HCN1: variants seen among roughly 807,000 people sequenced by gnomAD.
HCN1 encodes hyperpolarization activated cyclic nucleotide gated potassium channel 1.
Under a neutral mutation model 78.9 loss-of-function variants are expected in HCN1, and 13 were observed. That is an observed-to-expected ratio of 0.16 (90% confidence interval 0.11 to 0.26). The LOEUF (loss-of-function observed/expected upper bound fraction) is 0.26, where lower values mean the gene tolerates loss of function less well. Among genes scored for constraint, HCN1 ranks in the 10% least tolerant of loss-of-function variants. The pLI is 1.00. For missense variants in HCN1, 810 were observed against 1,154.3 expected (o/e 0.70, Z 4.32); for synonymous variants, 552 against 455.5 (o/e 1.21, Z -2.70).
chr5:45,496,845 C>CT (rs200224515), intron 2 of HCN1, among the ~76,000 whole-genome samples: 8,209 of 152,036 alleles, frequency 0.054, 305 homozygotes, highest in East Asian at 0.14. Context: ...GCATTTAGTG[C>CT]ATAAATTTCC....
chr5:45,583,677 C>T (rs1246474464), intron 2 of HCN1, among the ~76,000 whole-genome samples: 1 of 152,006 alleles, frequency 6.6e-6, no homozygotes, highest in African/African-American at 2.4e-5. Flanking sequence ...CTATAAATTT[C>T]CCTCTACACA....
In HCN1 at chr5:45,375,803, C is replaced by A. The variant is rs1313754228; in HGVS notation, c.1230+20689G>T. Among the ~76,000 whole-genome samples the A allele has an allele frequency of 8.5e-4, 96 of 112,294 alleles. 1 individual carries two copies. Among genetic ancestry groups the A allele is most frequent in the African/African-American group, 3.4e-3 (93 of 27,636 alleles). 73.7% of individuals were successfully genotyped at this position (112,294 alleles called of 152,430 possible). A position where few individuals can be genotyped will look rare whatever the true frequency, so the allele number is the denominator to read the frequency against. On this transcript the variant is annotated intron_variant, in intron 4 of 7. Transcript: ENST00000303230. ...TATAATATAATATTTTATGATATAT[C>A]TTATATATAATATAATATTTTATGA... is the stretch of plus-strand genomic sequence containing the variant.
At chr5:45,630,888 G>C (rs1475182908) in intron 2 of HCN1, among the ~76,000 whole-genome samples, 3 of 151,874 alleles carry the variant, frequency 2.0e-5, no homozygotes, top group Admixed American at 2.0e-4. Context: ...ATTAATTTTT[G>C]TGTATTGTTG....
At chr5:45,686,760 T>A (rs1739817436) in intron 1 of HCN1, among the ~76,000 whole-genome samples, 1 of 152,202 alleles carries the variant, frequency 6.6e-6, no homozygotes, top group Admixed American at 6.5e-5. Flanking sequence ...AATGCTGATA[T>A]CCATCTATTT....
At chr5:45,469,604 A>T (rs2111646893) in intron 2 of HCN1, among the ~76,000 whole-genome samples, 1 of 152,116 alleles carries the variant, frequency 6.6e-6, no homozygotes, top group South Asian at 2.1e-4. Context: ...TTCCAGATGT[A>T]AGTCAGCACT....
chr5:45,333,922 A>T (rs1017598699), intron 5 of HCN1, among the ~76,000 whole-genome samples: 4 of 151,814 alleles, frequency 2.6e-5, no homozygotes, highest in African/African-American at 9.7e-5. Context: ...TAAGTAGGGC[A>T]AGATGGTATC....
At chr5:45,369,682 T>C (rs1224752573) in intron 4 of HCN1, among the ~76,000 whole-genome samples, 1 of 152,072 alleles carries the variant, frequency 6.6e-6, no homozygotes, top group Non-Finnish European at 1.5e-5. Flanking sequence ...CCTGTAAAAA[T>C]TGAACATTTG....
chr5:45,420,594 G>A (rs1482383750), intron 3 of HCN1, among the ~76,000 whole-genome samples: 1 of 152,136 alleles, frequency 6.6e-6, no homozygotes. Context: ...CCAGCCTTGG[G>A]TGGTCTTTCA....
At chr5:45,468,823 G>C (rs1281710814) in intron 2 of HCN1, among the ~76,000 whole-genome samples, 1 of 152,018 alleles carries the variant, frequency 6.6e-6, no homozygotes, top group East Asian at 1.9e-4. Context: ...TTTGAAATCT[G>C]TCAAGCACAA....
At chr5:45,653,826 G>A (rs896617264) in intron 1 of HCN1, among the ~76,000 whole-genome samples, 8 of 151,986 alleles carry the variant, frequency 5.3e-5, no homozygotes, top group Non-Finnish European at 7.4e-5. Context: ...GCTAGATGAC[G>A]AGTTAGTGGG....
intron 2 of HCN1, among the ~76,000 whole-genome samples, chr5:45,606,780 C>A (rs925633442): frequency 3.3e-5 from 5 of 151,916 alleles, no homozygotes; most frequent in African/African-American, 1.2e-4. Flanking sequence ...ACAAAACAGT[C>A]ATCACGAATG....
chr5:45,500,128 T>C (rs1742158076), intron 2 of HCN1, among the ~76,000 whole-genome samples: 1 of 152,124 alleles, frequency 6.6e-6, no homozygotes, highest in Non-Finnish European at 1.5e-5. Context: ...GGGACAACAA[T>C]ATAGATGCCA....
intron 5 of HCN1, among the ~76,000 whole-genome samples, chr5:45,332,515 C>G (rs1746365374): frequency 6.6e-6 from 1 of 151,144 alleles, no homozygotes; most frequent in African/African-American, 2.4e-5. Flanking sequence ...AACCATCCTT[C>G]TACTCTCTAT....
intron 4 of HCN1, among the ~76,000 whole-genome samples, chr5:45,371,763 A>AT (rs2112005276): frequency 1.4e-5 from 2 of 143,552 alleles, no homozygotes; most frequent in African/African-American, 5.2e-5. Flanking sequence ...TCTCAAAAAA[A>AT]AAAATATATA....
At chr5:45,349,636 TA>T (rs1406441563) in intron 5 of HCN1, among the ~76,000 whole-genome samples, 3 of 151,400 alleles carry the variant, frequency 2.0e-5, no homozygotes, top group African/African-American at 4.9e-5. Context: ...GCAAGACGAA[TA>T]AAGTAGAAAA....
At chr5:45,364,033 A>T in intron 4 of HCN1, among the ~76,000 whole-genome samples, 1 of 151,968 alleles carries the variant, frequency 6.6e-6, no homozygotes, top group East Asian at 1.9e-4. Flanking sequence ...CTACTAGGAG[A>T]TTCCAAACTA....
chr5:45,281,836 C>T (rs1174333748), intron 6 of HCN1, among the ~76,000 whole-genome samples: 2 of 151,874 alleles, frequency 1.3e-5, no homozygotes, highest in Non-Finnish European at 2.9e-5. Context: ...TCATGATCTG[C>T]CTGCCTCAGC....
intron 5 of HCN1, among the ~76,000 whole-genome samples, chr5:45,325,992 A>AT (rs1215877540): frequency 6.6e-6 from 1 of 151,698 alleles, no homozygotes; most frequent in South Asian, 2.1e-4. Context: ...GTAAAAAAAA[A>AT]GGAGGGCTGA....
chr5:45,347,984 G>T lies in HCN1; in HGVS notation c.1377+5116C>A, dbSNP rs572807815. 7.9e-5 allele frequency among the ~76,000 whole-genome samples: 12 copies of T among 152,262 alleles called. No homozygotes were observed. The East Asian group carries it at 1.9e-3, about 25-fold the overall frequency. Reference sequence around the variant, plus strand: ...GAACTTCCCCAATCTAGCAAAGCAGGCCAACATTCAGATTCAGGAAATACA... The same window carrying T: ...GAACTTCCCCAATCTAGCAAAGCAGTCCAACATTCAGATTCAGGAAATACA... On this transcript the variant is annotated intron_variant, in intron 5 of 7. Coordinates refer to ENST00000303230, the MANE Select transcript of HCN1 (RefSeq NM_021072.4).
Sources: gnomAD v4.1 joint callset for allele counts (sites outside exome capture counted in the v4.1 genomes callset) on GRCh38, gnomAD v4.1.1 for gene constraint, MANE v1.5 for transcripts, NCBI Gene and HGNC (gene_info 2026-07-23, HGNC 2026-07-21) for gene names.